The following GTF2E2 variants were observed in gnomAD, a reference collection of about 807,000 sequenced individuals.
GTF2E2 encodes general transcription factor IIE subunit 2, also known as transcription initiation factor IIE subunit beta.
In GTF2E2, 21 loss-of-function variants were observed where a neutral mutation model predicts 40.5. That is an observed-to-expected ratio of 0.52 (90% CI 0.37 to 0.75). The LOEUF is 0.75. Among genes scored for constraint, GTF2E2 ranks in the 30% least tolerant of loss-of-function variants. The pLI is 0.00. For missense variants in GTF2E2, 298 were observed against 338.4 expected, an observed-to-expected ratio of 0.88 and a Z score of 0.94; for synonymous variants, 117 against 121.6, an observed-to-expected ratio of 0.96 and a Z score of 0.25.
At chr8:30,590,278 T>G (rs1828806908) in intron 6 of GTF2E2, among the ~76,000 whole-genome samples, 1 of 152,338 alleles carries the variant, frequency 6.6e-6, no homozygotes, top group East Asian at 1.9e-4. Context: ...TTGTTCCTTT[T>G]CATTGCTGAG....
At chr8:30,621,439 G>T (rs1801097895) in intron 3 of GTF2E2, among the ~76,000 whole-genome samples, 1 of 152,002 alleles carries the variant, frequency 6.6e-6, no homozygotes, top group Non-Finnish European at 1.5e-5. Flanking sequence ...AACAATAAAA[G>T]ATCAAGAGAA....
intron 2 of GTF2E2, among the ~76,000 whole-genome samples, chr8:30,637,508 A>G (rs1801645157): frequency 6.6e-6 from 1 of 151,702 alleles, no homozygotes; most frequent in East Asian, 1.9e-4. Context: ...ATTCATCTAT[A>G]ATTTTATTTT....
chr8:30,612,977 T>C (rs1292154592), intron 4 of GTF2E2, among the ~76,000 whole-genome samples: 2 of 152,238 alleles, frequency 1.3e-5, no homozygotes, highest in African/African-American at 4.8e-5. Context: ...TCCAGAACAG[T>C]AGATCAGCAC....
At chr8:30,607,884 T>C (rs1040143251) in intron 5 of GTF2E2, among the ~76,000 whole-genome samples, 1 of 152,102 alleles carries the variant, frequency 6.6e-6, no homozygotes, top group African/African-American at 2.4e-5. Flanking sequence ...AATAAGAAAA[T>C]AGAAGAATGA....
intron 6 of GTF2E2, among the ~76,000 whole-genome samples, chr8:30,604,565 T>C (rs1262689479): frequency 6.6e-6 from 1 of 152,252 alleles, no homozygotes; most frequent in Non-Finnish European, 1.5e-5. Flanking sequence ...TATGGAATAT[T>C]TGTAATGCTG....
At chr8:30,624,415 C>G (rs1433228413) in intron 3 of GTF2E2, among the ~76,000 whole-genome samples, 2 of 152,036 alleles carry the variant, frequency 1.3e-5, no homozygotes, top group Non-Finnish European at 1.5e-5. Flanking sequence ...GTTACTGTAG[C>G]CTTGTAGTAT....
rs529863804 is a variant in GTF2E2 at position 30,592,501 on chromosome 8, G to T, written c.644-12105C>A. On this transcript the variant is annotated intron_variant, in intron 6 of 7. Transcript: ENST00000355904. ...ATCGTTCACGTATAGTCAGCCTTTG[G>T]TATCCATGGGGGATTGGTTCCAGGA... 2.6e-5 allele frequency among the ~76,000 whole-genome samples: 4 copies of T among 152,256 alleles called. No homozygotes were observed. The East Asian group carries it at 7.7e-4, about 29-fold the overall frequency.
rs549212665 is a variant in GTF2E2, at chr8:30,654,081, C to A, written c.-4-479G>T. ...TCTAGCCTGGGTGACAGACCAAGAC[C>A]CTTGTTCAAAAAAAAAAAAAAAAAA... is the stretch of plus-strand genomic sequence containing the variant. On this transcript the variant is annotated intron_variant, in intron 1 of 7. Transcript: ENST00000355904. 1.7e-3 allele frequency among the ~76,000 whole-genome samples: 143 copies of A among 83,462 alleles called. 1 individual carries two copies. The East Asian group carries it at 0.033, about 19-fold the overall frequency. 54.8% of individuals were successfully genotyped at this position (83,462 alleles called of 152,430 possible). A position where few individuals can be genotyped will look rare whatever the true frequency, so the allele number is the denominator to read the frequency against.
At chr8:30,596,540 C>T (rs1263512728) in intron 6 of GTF2E2, among the ~76,000 whole-genome samples, 1 of 152,160 alleles carries the variant, frequency 6.6e-6, no homozygotes, top group Non-Finnish European at 1.5e-5. Flanking sequence ...ACATACTGAA[C>T]AGTTATTTTA....
intron 2 of GTF2E2, among the ~76,000 whole-genome samples, chr8:30,638,933 T>A (rs1801708316): frequency 6.6e-6 from 1 of 152,206 alleles, no homozygotes; most frequent in Non-Finnish European, 1.5e-5. Context: ...TTTAACTGGT[T>A]ACTTGCTAAT....
rs1164607273 is a variant in GTF2E2 at position 30,653,607 on chromosome 8, A to G, written c.-4-5T>C. ...AACAGGCTTGGATCCATAATGCTAC[A>G]AAGAAAAAATAAGTGTCTTTAATAC... On this transcript the variant is annotated splice_region_variant and splice_polypyrimidine_tract_variant and intron_variant, in intron 1 of 7. Coordinates refer to ENST00000355904, the MANE Select transcript of GTF2E2 (RefSeq NM_002095.6). The G allele has an allele frequency of 1.9e-6, 3 of 1,603,110 alleles. No individual in the cohort carries two copies. Among genetic ancestry groups the G allele is most frequent in the Non-Finnish European group, 2.6e-6 (3 of 1,175,874 alleles).
intron 1 of GTF2E2, chr8:30,657,745 G>A (rs981080182): frequency 3.3e-5 from 5 of 152,236 alleles, no homozygotes; most frequent in African/African-American, 1.2e-4. Flanking sequence ...GGCAGACCGC[G>A]AATTTTCCCT....
chr8:30,632,095 GT>G (rs1801452807), intron 3 of GTF2E2, among the ~76,000 whole-genome samples: 1 of 152,142 alleles, frequency 6.6e-6, no homozygotes, highest in African/African-American at 2.4e-5. Context: ...AGGTGACAGA[GT>G]TAAGACCCTG....
intron 2 of GTF2E2, among the ~76,000 whole-genome samples, chr8:30,650,324 TA>T (rs1240188148): frequency 2.0e-5 from 3 of 152,280 alleles, no homozygotes; most frequent in Non-Finnish European, 4.4e-5. Context: ...ATTAATAGAC[TA>T]AAGAGTGAGA....
chr8:30,605,109 C>T (rs1234540308), intron 6 of GTF2E2, among the ~76,000 whole-genome samples: 1 of 152,188 alleles, frequency 6.6e-6, no homozygotes, highest in Non-Finnish European at 1.5e-5. Context: ...AGAGCTACTG[C>T]AATCTCTTTC....
rs535484772 is a variant in GTF2E2, at chr8:30,581,308, G to A, written c.644-912C>T. Among the ~76,000 whole-genome samples, 13 of 152,126 alleles carry A rather than the reference G, an allele frequency of 8.5e-5. No homozygotes were observed. In the East Asian group the frequency reaches 1.7e-3, roughly 20 times the overall value. ...CCACCCCAGACCCTCACCCAGCGCC[G>A]CCCTCCTTTTCTTCCAGAGCCAAGA... On this transcript the variant is annotated intron_variant, in intron 6 of 7. Coordinates refer to ENST00000355904, the MANE Select transcript of GTF2E2 (RefSeq NM_002095.6).
At chr8:30,650,709 C>T (rs1054016475) in intron 2 of GTF2E2, among the ~76,000 whole-genome samples, 1 of 151,658 alleles carries the variant, frequency 6.6e-6, no homozygotes, top group African/African-American at 2.4e-5. Flanking sequence ...GAGTAAGACG[C>T]TGTCTCGAAA....
At chr8:30,628,459 T>C (rs982953341) in intron 3 of GTF2E2, among the ~76,000 whole-genome samples, 2 of 152,188 alleles carry the variant, frequency 1.3e-5, no homozygotes, top group Admixed American at 6.5e-5. Flanking sequence ...CACAACTTAC[T>C]GATTAGGTTA....
chr8:30,580,277 G>A lies in GTF2E2; in HGVS notation c.759+4C>T, dbSNP rs569314584. On this transcript the variant is annotated splice_donor_region_variant and intron_variant, in intron 7 of 7. Coordinates refer to ENST00000355904, the MANE Select transcript of GTF2E2 (RefSeq NM_002095.6). ...ATTAAGCTGCTTTGCTAGAGATTAC[G>A]CACCACTTTCTTTGGTCCAGATTCC... is the stretch of plus-strand genomic sequence containing the variant. 146 of 1,492,304 alleles carry A rather than the reference G, an allele frequency of 9.8e-5. No individual in the cohort carries two copies. Among genetic ancestry groups the A allele is most frequent in the Non-Finnish European group, 1.3e-4 (136 of 1,068,736 alleles). 92.4% of individuals were successfully genotyped at this position (1,492,304 alleles called of 1,614,324 possible). A position where few individuals can be genotyped will look rare whatever the true frequency, so the allele number is the denominator to read the frequency against.
Sources: allele counts gnomAD v4.1 joint callset (sites outside exome capture counted in the v4.1 genomes callset), GRCh38; gene constraint gnomAD v4.1.1; transcripts MANE v1.5; gene names NCBI Gene and HGNC (gene_info 2026-07-23, HGNC 2026-07-21).